The following TMC1 variants were observed in gnomAD, a reference collection of about 807,000 sequenced individuals.
The protein encoded by TMC1 is transmembrane channel like 1.
TMC1 carries 84 observed loss-of-function variants against 105.8 expected under a neutral mutation model. That is an observed-to-expected ratio of 0.79 (90% confidence interval 0.67 to 0.95). The LOEUF (loss-of-function observed/expected upper bound fraction) is 0.95, where lower values mean the gene tolerates loss of function less well. TMC1 is among the 40% of genes least tolerant of loss of function. The pLI is 0.00. For missense variants in TMC1, 817 were observed against 914.1 expected, an observed-to-expected ratio of 0.89 and a Z score of 1.37; for synonymous variants, 315 against 311.5, an observed-to-expected ratio of 1.01 and a Z score of -0.12.
chr9:72,730,196 G>A (rs916046313), intron 8 of TMC1, among the ~76,000 whole-genome samples: 6 of 152,204 alleles, frequency 3.9e-5, no homozygotes, highest in African/African-American at 9.7e-5. Flanking sequence ...AGACAGAAAG[G>A]TAGAGAAGGT....
At chr9:72,665,891 G>A (rs1455615727) in intron 5 of TMC1, among the ~76,000 whole-genome samples, 1 of 152,158 alleles carries the variant, frequency 6.6e-6, no homozygotes, top group African/African-American at 2.4e-5. Context: ...AGTGAACTTT[G>A]CTTTCTCCAT....
intron 17 of TMC1, among the ~76,000 whole-genome samples, chr9:72,795,135 T>C (rs1828341233): frequency 6.6e-6 from 1 of 152,124 alleles, no homozygotes; most frequent in Non-Finnish European, 1.5e-5. Context: ...ATTATGTAAA[T>C]GCCAAAGCTA....
Position 72,694,658 on chromosome 9 carries a change from T to A in TMC1, c.180T>A (p.Asp60Glu). Residue 60 changes from aspartate to glutamate, a missense_variant, in exon 7 of 24, where the codon GAT becomes GAA. Asp to Glu is a conservative substitution (Grantham distance 45). Coordinates refer to ENST00000297784, the MANE Select transcript of TMC1 (RefSeq NM_138691.3). ...ATGACCCAGAACCTGAACCAGAGGA[T>A]GAAGAAACAAGGAAGGCAAGAGAAA... ...NEDDPEPEPEDEETRKAREKE... is the reference protein window; with the variant it reads ...NEDDPEPEPEEEETRKAREKE... 6.2e-7 allele frequency: 1 copy of A among 1,612,574 alleles called. No homozygotes were observed. Among genetic ancestry groups the A allele is most frequent in the Non-Finnish European group, 8.5e-7 (1 of 1,179,314 alleles).
At chr9:72,531,455 A>G (rs1365961354) in intron 1 of TMC1, among the ~76,000 whole-genome samples, 7 of 152,194 alleles carry the variant, frequency 4.6e-5, no homozygotes, top group Admixed American at 4.6e-4. Context: ...TAGGGACACT[A>G]TTAACTCAGG....
chr9:72,596,135 A>C (rs572632147), intron 2 of TMC1, among the ~76,000 whole-genome samples: 1 of 152,184 alleles, frequency 6.6e-6, no homozygotes, highest in African/African-American at 2.4e-5. Context: ...TCAGCCTCCC[A>C]AAGTGCTGGG....
At chr9:72,672,244 G>T (rs754278552) in intron 5 of TMC1, among the ~76,000 whole-genome samples, 4 of 151,896 alleles carry the variant, frequency 2.6e-5, no homozygotes, top group African/African-American at 9.7e-5. Context: ...GTTCTAAAAC[G>T]AAACATATTA....
intron 7 of TMC1, among the ~76,000 whole-genome samples, chr9:72,697,166 A>T (rs140895412): frequency 1.3e-5 from 2 of 152,166 alleles, no homozygotes; most frequent in African/African-American, 4.8e-5. Flanking sequence ...GGTAGTTGTT[A>T]TATTTTAGTG....
intron 5 of TMC1, among the ~76,000 whole-genome samples, chr9:72,668,492 G>C (rs1370136696): frequency 6.6e-6 from 1 of 152,132 alleles, no homozygotes; most frequent in African/African-American, 2.4e-5. Context: ...TTTCTTCTCT[G>C]TACAATGAGG....
intron 12 of TMC1, among the ~76,000 whole-genome samples, chr9:72,768,871 G>A (rs1827879821): frequency 1.3e-5 from 2 of 152,154 alleles, no homozygotes; most frequent in African/African-American, 4.8e-5. Flanking sequence ...AAGATATCAG[G>A]TGGGGGGTGA....
At chr9:72,587,918 C>T (rs1274003846) in intron 2 of TMC1, among the ~76,000 whole-genome samples, 2 of 151,558 alleles carry the variant, frequency 1.3e-5, no homozygotes, top group Non-Finnish European at 2.9e-5. Flanking sequence ...CACAAATAGC[C>T]GGAATTACAG....
chr9:72,544,453 C>T (rs957811249), intron 1 of TMC1, among the ~76,000 whole-genome samples: 4 of 150,396 alleles, frequency 2.7e-5, no homozygotes, highest in Non-Finnish European at 5.9e-5. Context: ...GATCTTAGCC[C>T]TTCCCTTTGT....
At chr9:72,830,585 A>C (rs1264067660) in intron 22 of TMC1, 46 bp from the exon 23 acceptor site, 1 of 1,605,242 alleles carries the variant, frequency 6.2e-7, no homozygotes, top group Admixed American at 1.7e-5. Flanking sequence ...AAGCAGTAGA[A>C]AACACTGAGA....
At chr9:72,759,739 C>T (rs991571916) in intron 12 of TMC1, among the ~76,000 whole-genome samples, 1 of 152,128 alleles carries the variant, frequency 6.6e-6, no homozygotes, top group East Asian at 1.9e-4. Flanking sequence ...AGGTGCTCTT[C>T]GATATCTTCC....
At chr9:72,657,541 A>G (rs1045416163) in intron 5 of TMC1, among the ~76,000 whole-genome samples, 1 of 152,188 alleles carries the variant, frequency 6.6e-6, no homozygotes, top group Non-Finnish European at 1.5e-5. Context: ...AAATGAGAAT[A>G]TCTTCAAAAT....
At position 72,521,822 on chromosome 9, in the gene TMC1, C is replaced by G. The variant is rs1052637002; in HGVS notation, c.-519C>G. Reference sequence around the variant, plus strand: ...GCCTCAGAAACTATGAGGGCAGAACCCAGCAATCTGTGCTTTCTTTCACAA... The same window carrying G: ...GCCTCAGAAACTATGAGGGCAGAACGCAGCAATCTGTGCTTTCTTTCACAA... On this transcript the variant is annotated 5_prime_UTR_variant, in exon 1 of 24. Transcript: ENST00000297784. 2.0e-5 allele frequency: 3 copies of G among 152,116 alleles called. No homozygotes were observed. Among genetic ancestry groups the G allele is most frequent in the African/African-American group, 7.2e-5 (3 of 41,434 alleles). The allele number at this position is 152,116 out of a possible 1,614,324, so 9.4% of individuals were successfully genotyped here. A position where few individuals can be genotyped will look rare whatever the true frequency, so the allele number is the denominator to read the frequency against.
At position 72,816,155 on chromosome 9, in the gene TMC1, G is replaced by A. The variant is rs369890353; in HGVS notation, c.1708G>A (p.Glu570Lys). ...GTGTCTCCTCTAGCCTTCATACACCGAATTCGACATCAGTGGCAACGTCCT... is the reference window on the plus strand; with the variant it reads ...GTGTCTCCTCTAGCCTTCATACACCAAATTCGACATCAGTGGCAACGTCCT... ...DLEYGYPSYT[E>K]FDISGNVLAL... Residue 570 changes from glutamate to lysine, a missense_variant, in exon 19 of 24, where the codon GAA (glutamate) becomes AAA (lysine). Glu to Lys is a moderately conservative substitution (Grantham distance 56, BLOSUM62 1). Transcript: ENST00000297784. The A allele has an allele frequency of 8.7e-5, 140 of 1,613,250 alleles. No homozygotes were observed. Among genetic ancestry groups the A allele is most frequent in the Non-Finnish European group, 8.4e-5 (99 of 1,179,488 alleles).
intron 5 of TMC1, among the ~76,000 whole-genome samples, chr9:72,687,279 A>G (rs1826393884): frequency 6.6e-6 from 1 of 152,168 alleles, no homozygotes; most frequent in African/African-American, 2.4e-5. Flanking sequence ...TTCTTTATAT[A>G]TAACTGATAA....
intron 5 of TMC1, among the ~76,000 whole-genome samples, chr9:72,670,275 T>G (rs567768689): frequency 2.1e-4 from 32 of 152,164 alleles, no homozygotes; most frequent in East Asian, 1.2e-3. Flanking sequence ...ATAAAAACCA[T>G]GAAATTCATG....
rs1828559160 is a variant in TMC1, at chr9:72,805,491, GGGACTTGGAGTAT to G, written c.1680_1692del (p.Leu561IlefsTer16). On this transcript the variant is annotated frameshift_variant, in exon 18 of 24. Coordinates refer to ENST00000297784, the MANE Select transcript of TMC1 (RefSeq NM_138691.3). LOFTEE classifies it high-confidence loss of function. ...AGGTTTTGCAATTATTGCTGGTGCT[GGGACTTGGAGTAT>G]GGATATGTAAGTATGATGTTAATTT... is the stretch of plus-strand genomic sequence containing the variant. The G allele has an allele frequency of 6.2e-7, 1 of 1,613,042 alleles. No homozygotes were observed. Among genetic ancestry groups the G allele is most frequent in the African/African-American group, 1.3e-5 (1 of 74,694 alleles).
Sources: allele counts gnomAD v4.1 joint callset (sites outside exome capture counted in the v4.1 genomes callset), GRCh38; gene constraint gnomAD v4.1.1; transcripts MANE v1.5; gene names NCBI Gene and HGNC (gene_info 2026-07-23, HGNC 2026-07-21).